The following CORO2A variants were observed in gnomAD, a reference collection of about 807,000 sequenced individuals.
CORO2A encodes the protein coronin-2A.
A neutral mutation model predicts 62.4 loss-of-function variants in CORO2A; 47 were observed. The ratio of observed to expected loss-of-function variants is 0.75; its 90% CI spans 0.60 to 0.96. CORO2A has a LOEUF of 0.96. Ranked by LOEUF, CORO2A falls within the 40% of genes least tolerant of loss-of-function variation. The pLI is 0.00. For synonymous variants in CORO2A, 273 were observed against 268.9 expected (o/e 1.02, Z -0.15); for missense variants, 610 against 684.1 (o/e 0.89, Z 1.21).
At position 98,129,267 on chromosome 9, in the gene CORO2A, A is replaced by C. The variant is rs1324287777; in HGVS notation, c.967+527T>G. ...TCCATCCCCACAGCTCCTGTGACCCAAATGCTCTTAATCAAACCGCTCCAG... is the reference window on the plus strand; with the variant it reads ...TCCATCCCCACAGCTCCTGTGACCCCAATGCTCTTAATCAAACCGCTCCAG... On this transcript the variant is annotated intron_variant, in intron 8 of 11. Transcript: ENST00000375077. Among the ~76,000 whole-genome samples, 11 of 152,234 alleles carry C rather than the reference A, an allele frequency of 7.2e-5. No individual in the cohort carries two copies. In the East Asian group the frequency reaches 1.9e-3, roughly 27 times the overall value.
At chr9:98,144,442 A>G (rs1827615349) in intron 2 of CORO2A, among the ~76,000 whole-genome samples, 1 of 152,160 alleles carries the variant, frequency 6.6e-6, no homozygotes, top group Non-Finnish European at 1.5e-5. Flanking sequence ...TGCTGTCCTC[A>G]CACCATGGTT....
Position 98,137,558 on chromosome 9 carries a change from G to A in CORO2A, c.318+14C>T. ...TCTTCAGGAAGGGGAAGCCCCTCAG[G>A]GGCTGACACTCACTGTGGCATCTTC... On this transcript the variant is annotated intron_variant, in intron 3 of 11. Transcript: ENST00000375077. 6.2e-7 allele frequency: 1 copy of A among 1,605,438 alleles called. No individual in the cohort carries two copies. Among genetic ancestry groups the A allele is most frequent in the Non-Finnish European group, 8.5e-7 (1 of 1,172,330 alleles).
At chr9:98,187,163 G>A (rs939652893) in intron 1 of CORO2A, among the ~76,000 whole-genome samples, 5 of 151,594 alleles carry the variant, frequency 3.3e-5, no homozygotes, top group Admixed American at 1.3e-4. Context: ...GGCGCCTGTA[G>A]TCCCAGCTAC....
chr9:98,159,405 C>G (rs1353023033), intron 1 of CORO2A, among the ~76,000 whole-genome samples: 1 of 152,256 alleles, frequency 6.6e-6, no homozygotes, highest in South Asian at 2.1e-4. Flanking sequence ...AAGGCCAAAT[C>G]CTTTGGCTTG....
intron 1 of CORO2A, among the ~76,000 whole-genome samples, chr9:98,185,054 G>C (rs1010371351): frequency 2.6e-5 from 4 of 152,208 alleles, no homozygotes; most frequent in Non-Finnish European, 4.4e-5. Context: ...GAAGTGGAGT[G>C]ACTGACCCAA....
At position 98,132,387 on chromosome 9, in the gene CORO2A, C is replaced by T. The variant is rs1291816054; in HGVS notation, c.649-86G>A. 1.3e-5 allele frequency: 13 copies of T among 1,037,958 alleles called. No individual in the cohort carries two copies. The East Asian group carries it at 2.9e-4, about 23-fold the overall frequency. The allele number at this position is 1,037,958 out of a possible 1,614,324, so 64.3% of individuals were successfully genotyped here. On this transcript the variant is annotated intron_variant, in intron 5 of 11. Transcript: ENST00000375077. ...TTCTGGCCTCCCTGCTTTGCTTATG[C>T]CACCGCTCCACCTGGGAGGCCTCCC...
At chr9:98,179,194 G>T (rs1192329017) in intron 1 of CORO2A, among the ~76,000 whole-genome samples, 1 of 152,212 alleles carries the variant, frequency 6.6e-6, no homozygotes, top group African/African-American at 2.4e-5. Context: ...GGACTGGGAA[G>T]AAACCCTTCC....
chr9:98,129,972 A>T lies in CORO2A; in HGVS notation c.871-82T>A. On this transcript the variant is annotated intron_variant, in intron 7 of 11. Coordinates refer to ENST00000375077, the MANE Select transcript of CORO2A (RefSeq NM_052820.4). ...CATCAGCAACCCAGCCATGCAGCAAAGACCTGGCTTTTTTTGATGATCGGC... is the reference window on the plus strand; with the variant it reads ...CATCAGCAACCCAGCCATGCAGCAATGACCTGGCTTTTTTTGATGATCGGC... 4 of 1,074,228 alleles carry T rather than the reference A, an allele frequency of 3.7e-6. No homozygotes were observed. The Admixed American group carries it at 7.4e-5, about 20-fold the overall frequency. 66.5% of individuals were successfully genotyped at this position (1,074,228 alleles called of 1,614,324 possible).
chr9:98,161,108 A>G (rs1205789852), intron 1 of CORO2A, among the ~76,000 whole-genome samples: 1 of 152,168 alleles, frequency 6.6e-6, no homozygotes, highest in East Asian at 1.9e-4. Flanking sequence ...GAGGACAGCG[A>G]CCCATCCTGA....
At chr9:98,160,692 T>C (rs962784340) in intron 1 of CORO2A, among the ~76,000 whole-genome samples, 4 of 151,998 alleles carry the variant, frequency 2.6e-5, no homozygotes. Flanking sequence ...GCCCCCCCAC[T>C]CCTCCCTCAC....
chr9:98,125,680 C>A (rs1827305604), intron 11 of CORO2A, among the ~76,000 whole-genome samples: 1 of 151,790 alleles, frequency 6.6e-6, no homozygotes, highest in African/African-American at 2.4e-5. Context: ...TAGGTCAAAC[C>A]CTCTCCATTT....
intron 1 of CORO2A, among the ~76,000 whole-genome samples, chr9:98,164,377 C>G (rs1188602480): frequency 6.6e-6 from 1 of 152,218 alleles, no homozygotes; most frequent in East Asian, 1.9e-4. Flanking sequence ...TGGCCCTAAA[C>G]TTGCTGGGAA....
Position 98,122,314 on chromosome 9 carries a change from A to G in CORO2A, c.*2460T>C, listed in dbSNP as rs1827254018. ...GGCCCTACTCTGGAGATTCAGCTTC[A>G]GTTGGTCTGGAATGTGGCATGGGCA... On this transcript the variant is annotated 3_prime_UTR_variant, in exon 12 of 12. Transcript: ENST00000375077. The G allele has an allele frequency of 6.6e-6, 1 of 152,206 alleles. No individual in the cohort carries two copies. The highest frequency in any genetic ancestry group is 1.5e-5 in the Non-Finnish European group (1 of 68,064). The allele number at this position is 152,206 out of a possible 1,614,324, so 9.4% of individuals were successfully genotyped here.
At chr9:98,175,551 G>C (rs572301597) in intron 1 of CORO2A, among the ~76,000 whole-genome samples, 37 of 152,350 alleles carry the variant, frequency 2.4e-4, no homozygotes, top group Middle Eastern at 6.8e-3. Flanking sequence ...CTGGGCTCCA[G>C]TGTCTCAACC....
chr9:98,153,502 C>T (rs537541620), intron 2 of CORO2A, among the ~76,000 whole-genome samples: 6 of 151,686 alleles, frequency 4.0e-5, no homozygotes, highest in Non-Finnish European at 7.4e-5. Flanking sequence ...AAATTCGTGG[C>T]CTCAAGCAAT....
chr9:98,149,233 C>T (rs1250127245), intron 2 of CORO2A, among the ~76,000 whole-genome samples: 4 of 152,146 alleles, frequency 2.6e-5, no homozygotes, highest in African/African-American at 7.2e-5. Flanking sequence ...GCAAAAATAA[C>T]GATTTGTTGT....
intron 2 of CORO2A, among the ~76,000 whole-genome samples, chr9:98,149,055 G>A (rs776167597): frequency 6.6e-6 from 1 of 152,108 alleles, no homozygotes; most frequent in African/African-American, 2.4e-5. Context: ...TGACTGTAGT[G>A]ATGCCAGTAT....
At chr9:98,136,113 G>A (rs903920474) in intron 3 of CORO2A, among the ~76,000 whole-genome samples, 1 of 152,212 alleles carries the variant, frequency 6.6e-6, no homozygotes, top group Non-Finnish European at 1.5e-5. Context: ...CTGGGGCATC[G>A]GGGAAGGGGC....
At chr9:98,142,834 C>CCCCTGCCCTG (rs965873553) in intron 2 of CORO2A, among the ~76,000 whole-genome samples, 3 of 136,592 alleles carry the variant, frequency 2.2e-5, no homozygotes, top group Admixed American at 1.4e-4. Flanking sequence ...CGCCCCACCT[C>CCCCTGCCCTG]CCCTGCCCTG....
Sources: allele counts gnomAD v4.1 joint callset (sites outside exome capture counted in the v4.1 genomes callset), GRCh38; gene constraint gnomAD v4.1.1; transcripts MANE v1.5; gene names NCBI Gene and HGNC (gene_info 2026-07-23, HGNC 2026-07-21).